EYA4: variants seen among roughly 807,000 people sequenced by gnomAD.
EYA4 encodes EYA transcriptional coactivator and phosphatase 4.
A neutral mutation model predicts 87.9 loss-of-function variants in EYA4; 31 were observed. The observed-to-expected ratio is 0.35, with a 90% CI of 0.27 to 0.48. EYA4 has a LOEUF of 0.48. Ranked by LOEUF, EYA4 falls within the 20% of genes least tolerant of loss-of-function variation. The pLI is 0.99. For missense variants in EYA4, 678 were observed against 761.4 expected, an observed-to-expected ratio of 0.89 and a Z score of 1.29; for synonymous variants, 263 against 270.6, an observed-to-expected ratio of 0.97 and a Z score of 0.28.
At chr6:133,511,490 A>C (rs1799133729) in intron 14 of EYA4, among the ~76,000 whole-genome samples, 1 of 151,380 alleles carries the variant, frequency 6.6e-6, no homozygotes, top group Non-Finnish European at 1.5e-5. Flanking sequence ...TTTATTTATT[A>C]TATATTTATT....
chr6:133,352,697 A>G (rs1783730002), intron 2 of EYA4, among the ~76,000 whole-genome samples: 1 of 152,180 alleles, frequency 6.6e-6, no homozygotes, highest in African/African-American at 2.4e-5. Context: ...TTGTTAATGG[A>G]CATATCCAGC....
chr6:133,372,994 C>A (rs1177719600), intron 2 of EYA4, among the ~76,000 whole-genome samples: 2 of 151,810 alleles, frequency 1.3e-5, no homozygotes, highest in Non-Finnish European at 2.9e-5. Flanking sequence ...CACAGATAAA[C>A]TTTAACAAAA....
chr6:133,292,628 C>T (rs985466762), intron 2 of EYA4, among the ~76,000 whole-genome samples: 1 of 152,004 alleles, frequency 6.6e-6, no homozygotes, highest in East Asian at 1.9e-4. Context: ...ACTCTCAGTC[C>T]CTGGTTGCTC....
intron 13 of EYA4, among the ~76,000 whole-genome samples, chr6:133,484,865 A>G (rs543817085): frequency 1.1e-3 from 161 of 152,344 alleles, no homozygotes; most frequent in Non-Finnish European, 2.0e-3. Context: ...AATCAGTGGT[A>G]GAACTCATCT....
chr6:133,409,605 G>A (rs1185871343), intron 3 of EYA4, among the ~76,000 whole-genome samples: 20 of 152,120 alleles, frequency 1.3e-4, no homozygotes, highest in Admixed American at 1.3e-3. Flanking sequence ...TATAACCTAT[G>A]TATATCTCTA....
chr6:133,526,944 C>A (rs1002792852), intron 19 of EYA4, among the ~76,000 whole-genome samples: 2 of 152,164 alleles, frequency 1.3e-5, no homozygotes, highest in African/African-American at 4.8e-5. Flanking sequence ...TTTTCCAAAC[C>A]AGTAACACAA....
At position 133,417,479 on chromosome 6, in the gene EYA4, T is replaced by C. The variant is rs192835131; in HGVS notation, c.84-29151T>C. On this transcript the variant is annotated intron_variant, in intron 3 of 19. Transcript: ENST00000355286. ...GTGAATGGGAAAAAGAAAGAAAAGG[T>C]GAATATGACATATATTCAATATATG... is the stretch of plus-strand genomic sequence containing the variant. 7.5e-4 allele frequency among the ~76,000 whole-genome samples: 114 copies of C among 152,032 alleles called. 1 individual carries two copies. The highest frequency in any genetic ancestry group is 2.7e-3 in the African/African-American group (110 of 41,458).
In EYA4 at chr6:133,396,959, T is replaced by C. The variant is rs147352914; in HGVS notation, c.83+14518T>C. Reference sequence around the variant, plus strand: ...CTACCCAAGAGATGCATGATTTTCATCAGAGGAAGATACTGTGTATCCTAA... The same window carrying C: ...CTACCCAAGAGATGCATGATTTTCACCAGAGGAAGATACTGTGTATCCTAA... On this transcript the variant is annotated intron_variant, in intron 3 of 19. Coordinates refer to ENST00000355286, the MANE Select transcript of EYA4 (RefSeq NM_004100.5). Among the ~76,000 whole-genome samples, 21 of 152,280 alleles carry C rather than the reference T, an allele frequency of 1.4e-4. 1 individual carries two copies. Among genetic ancestry groups the C allele is most frequent in the Admixed American group, 1.3e-3 (20 of 15,302 alleles).
intron 2 of EYA4, among the ~76,000 whole-genome samples, chr6:133,302,916 G>A (rs896184031): frequency 2.0e-5 from 3 of 152,058 alleles, no homozygotes; most frequent in Non-Finnish European, 2.9e-5. Context: ...TCTTTAACAA[G>A]ACAGAAAGTA....
At chr6:133,366,055 G>A (rs1784830930) in intron 2 of EYA4, among the ~76,000 whole-genome samples, 1 of 152,162 alleles carries the variant, frequency 6.6e-6, no homozygotes, top group African/African-American at 2.4e-5. Context: ...CTGCTTAGGG[G>A]ATTACTGTAG....
Position 133,525,166 on chromosome 6 carries a change from G to T in EYA4, c.1751G>T (p.Cys584Phe), listed in dbSNP as rs1800528173. 1 of 1,613,738 alleles carries T rather than the reference G, an allele frequency of 6.2e-7. No individual in the cohort carries two copies. Among genetic ancestry groups the T allele is most frequent in the Non-Finnish European group, 8.5e-7 (1 of 1,179,764 alleles). ...ATTTATCTTCCAGGAAAAGAAAGTT[G>T]CTTTGAACGAATAATGCAAAGGTTT... ...YSATKIGKES[C>F]FERIMQRFGR... is the part of the protein sequence containing the mutation. The change falls in exon 19 of 20, where the codon TGC becomes TTC. Residue 584 changes from cysteine to phenylalanine, a missense_variant. Coordinates refer to ENST00000355286, the MANE Select transcript of EYA4 (RefSeq NM_004100.5).
intron 5 of EYA4, 52 bp from the exon 6 acceptor site, chr6:133,456,504 C>T: frequency 8.0e-7 from 1 of 1,245,430 alleles, no homozygotes; most frequent in South Asian, 1.2e-5. Context: ...CGGACAGAGT[C>T]TTTGACATAA....
At chr6:133,452,811 G>A (rs962944204) in intron 5 of EYA4, 5 of 152,014 alleles carry the variant, frequency 3.3e-5, no homozygotes, top group Non-Finnish European at 5.9e-5. Context: ...TCGACAAAGT[G>A]GTATAGAAAG....
chr6:133,452,510 G>A (rs1195751523), intron 5 of EYA4, among the ~76,000 whole-genome samples: 1 of 152,022 alleles, frequency 6.6e-6, no homozygotes, highest in Non-Finnish European at 1.5e-5. Flanking sequence ...ACAATTTAAG[G>A]GGACAAGAGT....
intron 17 of EYA4, 117 bp from the exon 18 acceptor site, chr6:133,522,939 A>T (rs762684577): frequency 2.4e-6 from 2 of 824,734 alleles, no homozygotes; most frequent in South Asian, 1.4e-5. Context: ...GGCAATAGTA[A>T]TGAATTTTGA....
chr6:133,428,392 C>T (rs759825907), intron 3 of EYA4, among the ~76,000 whole-genome samples: 6 of 152,192 alleles, frequency 3.9e-5, no homozygotes, highest in Admixed American at 6.5e-5. Context: ...CACTCAAAGA[C>T]AGCACATCAT....
rs1378505254 is a variant in EYA4, at chr6:133,435,195, G to A, written c.84-11435G>A. The A allele has an allele frequency of 2.0e-5, 3 of 152,230 alleles. No individual in the cohort carries two copies. In the East Asian group the frequency reaches 5.8e-4, roughly 29 times the overall value. The allele number at this position is 152,230 out of a possible 1,614,324, so 9.4% of individuals were successfully genotyped here. On this transcript the variant is annotated intron_variant, in intron 3 of 19. Coordinates refer to ENST00000355286, the MANE Select transcript of EYA4 (RefSeq NM_004100.5). Reference sequence around the variant, plus strand: ...AGTTGCAGGTCTCAAGTCTAGAGCTGTAGGCCCTGGAAAGGAAAAATTGCA... The same window carrying A: ...AGTTGCAGGTCTCAAGTCTAGAGCTATAGGCCCTGGAAAGGAAAAATTGCA...
chr6:133,472,237 A>G (rs1190040432), intron 11 of EYA4, among the ~76,000 whole-genome samples: 1 of 49,926 alleles, frequency 2.0e-5, no homozygotes, highest in Non-Finnish European at 3.5e-5. Flanking sequence ...ATTTAGTGCT[A>G]TAAATTTCCC....
At chr6:133,285,088 C>T (rs1777935330) in intron 2 of EYA4, among the ~76,000 whole-genome samples, 1 of 150,430 alleles carries the variant, frequency 6.6e-6, no homozygotes, top group Admixed American at 7.0e-5. Context: ...GCTCCACCTC[C>T]CGGGTTCACG....
Sources: gnomAD v4.1 joint callset for allele counts (sites outside exome capture counted in the v4.1 genomes callset) on GRCh38, gnomAD v4.1.1 for gene constraint, MANE v1.5 for transcripts, NCBI Gene and HGNC (gene_info 2026-07-23, HGNC 2026-07-21) for gene names.